The following CACNA1E variants were observed in gnomAD, a reference collection of about 807,000 sequenced individuals.
CACNA1E encodes voltage-dependent R-type calcium channel subunit alpha-1E.
A neutral mutation model predicts 259.2 loss-of-function variants in CACNA1E; 40 were observed. The ratio of observed to expected loss-of-function variants is 0.15; its 90% CI spans 0.12 to 0.20. CACNA1E has a LOEUF of 0.20. Ranked by LOEUF, CACNA1E falls within the 10% of genes least tolerant of loss-of-function variation. The pLI, the probability that CACNA1E is intolerant of heterozygous loss-of-function variation, is 1.00. For missense variants in CACNA1E, 1,874 were observed against 3,040.1 expected (o/e 0.62, Z 9.02); for synonymous variants, 1,104 against 1,138.5 (o/e 0.97, Z 0.61).
At chr1:181,725,343 T>G (rs200223317) in intron 17 of CACNA1E, among the ~76,000 whole-genome samples, 1 of 152,246 alleles carries the variant, frequency 6.6e-6, no homozygotes, top group Non-Finnish European at 1.5e-5. Flanking sequence ...TTGGCTTTGC[T>G]TGGACTCCTG....
At chr1:181,717,956 T>G (rs1387354362) in intron 11 of CACNA1E, 99 bp from the exon 12 acceptor site, 1 of 649,668 alleles carries the variant, frequency 1.5e-6, no homozygotes, top group Admixed American at 2.4e-5. Context: ...TGTCCTGACG[T>G]GTGTTGTTGT....
chr1:181,699,939 T>C (rs1652068729), intron 7 of CACNA1E, among the ~76,000 whole-genome samples: 1 of 152,120 alleles, frequency 6.6e-6, no homozygotes, highest in South Asian at 2.1e-4. Context: ...TCCAAGTAGC[T>C]GATGTCAAGT....
At chr1:181,426,125 A>G (rs554569187) in intron 2 of CACNA1E, among the ~76,000 whole-genome samples, 162 of 152,044 alleles carry the variant, frequency 1.1e-3, no homozygotes, top group African/African-American at 3.8e-3. Context: ...TGTTGGCTGG[A>G]CACACCCAGC....
chr1:181,610,303 A>T (rs932953289), intron 6 of CACNA1E, among the ~76,000 whole-genome samples: 1 of 152,312 alleles, frequency 6.6e-6, no homozygotes, highest in East Asian at 1.9e-4. Flanking sequence ...TCCCAATAAT[A>T]AACCAATAAT....
intron 46 of CACNA1E, among the ~76,000 whole-genome samples, chr1:181,795,804 T>C (rs1170929185): frequency 2.5e-5 from 3 of 118,158 alleles, no homozygotes; most frequent in Non-Finnish European, 5.8e-5. Context: ...GGCTCAACTA[T>C]TTTGTTTTAT....
intron 1 of CACNA1E, among the ~76,000 whole-genome samples, chr1:181,363,000 A>G (rs745339841): frequency 1.3e-5 from 2 of 152,184 alleles, no homozygotes; most frequent in Non-Finnish European, 2.9e-5. Flanking sequence ...ATGTCCCATC[A>G]TAGGTCTGAC....
intron 20 of CACNA1E, among the ~76,000 whole-genome samples, 171 bp from the exon 21 acceptor site, chr1:181,733,266 C>T (rs893711656): frequency 6.6e-6 from 1 of 152,220 alleles, no homozygotes; most frequent in Non-Finnish European, 1.5e-5. Context: ...AGGCAGTGGC[C>T]ATGGCTTGTG....
intron 3 of CACNA1E, among the ~76,000 whole-genome samples, chr1:181,539,178 C>T (rs1668395577): frequency 6.6e-6 from 1 of 152,186 alleles, no homozygotes; most frequent in Non-Finnish European, 1.5e-5. Flanking sequence ...CTCCCCATTT[C>T]CTTCTATTTT....
At chr1:181,400,402 A>G (rs76308160) in intron 1 of CACNA1E, among the ~76,000 whole-genome samples, 2,960 of 152,114 alleles carry the variant, frequency 0.019, 96 homozygotes, top group African/African-American at 0.067. Flanking sequence ...GGGGTGGGGC[A>G]TCTGGGCTGC....
chr1:181,795,499 G>A (rs1212213861), intron 46 of CACNA1E, among the ~76,000 whole-genome samples: 1 of 151,422 alleles, frequency 6.6e-6, no homozygotes. Flanking sequence ...AGAGTGCAGT[G>A]GTGTGATCTC....
intron 6 of CACNA1E, among the ~76,000 whole-genome samples, chr1:181,607,566 C>G (rs1441023518): frequency 6.6e-6 from 1 of 152,082 alleles, no homozygotes; most frequent in Non-Finnish European, 1.5e-5. Flanking sequence ...GGCCATGGCT[C>G]TTATTCTCTA....
At chr1:181,462,563 C>T (rs1661889309) in intron 2 of CACNA1E, among the ~76,000 whole-genome samples, 1 of 152,152 alleles carries the variant, frequency 6.6e-6, no homozygotes, top group East Asian at 1.9e-4. Context: ...TTGCTTCATC[C>T]CTCTCCCATT....
At chr1:181,533,534 T>C (rs1460851293) in intron 3 of CACNA1E, among the ~76,000 whole-genome samples, 1 of 151,904 alleles carries the variant, frequency 6.6e-6, no homozygotes, top group Non-Finnish European at 1.5e-5. Flanking sequence ...TGATAACTGA[T>C]AGTGCCAATC....
chr1:181,751,984 T>C (rs1363480601), intron 26 of CACNA1E, 159 bp from the exon 27 acceptor site: 4 of 705,998 alleles, frequency 5.7e-6, no homozygotes, highest in Non-Finnish European at 1.0e-5. Context: ...TTTCGCAGGA[T>C]GTCCCTGGAG....
At chr1:181,372,264 T>C (rs985829850) in intron 1 of CACNA1E, among the ~76,000 whole-genome samples, 14 of 152,200 alleles carry the variant, frequency 9.2e-5, no homozygotes, top group Non-Finnish European at 1.9e-4. Flanking sequence ...ATGTTGTCTC[T>C]GATTTCTTTC....
chr1:181,581,751 T>G (rs908186409), intron 6 of CACNA1E, among the ~76,000 whole-genome samples: 2 of 152,124 alleles, frequency 1.3e-5, no homozygotes, highest in African/African-American at 4.8e-5. Flanking sequence ...GGCAGGTGCT[T>G]TTGAAGGACT....
intron 35 of CACNA1E, among the ~76,000 whole-genome samples, chr1:181,769,863 T>C (rs983849003): frequency 6.6e-6 from 1 of 152,310 alleles, no homozygotes; most frequent in African/African-American, 2.4e-5. Context: ...TAAATGTCAG[T>C]GCCCTCCTGG....
intron 7 of CACNA1E, among the ~76,000 whole-genome samples, chr1:181,679,891 G>A (rs1277011098): frequency 6.6e-6 from 1 of 152,046 alleles, no homozygotes; most frequent in African/African-American, 2.4e-5. Context: ...GGCTGAGCGG[G>A]GAGAATCACT....
At chr1:181,564,419 A>G (rs1649618737) in intron 3 of CACNA1E, among the ~76,000 whole-genome samples, 1 of 152,204 alleles carries the variant, frequency 6.6e-6, no homozygotes, top group Admixed American at 6.6e-5. Flanking sequence ...TTACTGTGAA[A>G]GTTTTATGAG....
Sources: gnomAD v4.1 joint callset for allele counts (sites outside exome capture counted in the v4.1 genomes callset) on GRCh38, gnomAD v4.1.1 for gene constraint, MANE v1.5 for transcripts, NCBI Gene and HGNC (gene_info 2026-07-23, HGNC 2026-07-21) for gene names.